Variants in GSTA1 observed in about 807,000 individuals in gnomAD.
GSTA1 encodes the protein glutathione S-transferase A1.
Under a neutral mutation model 21.5 loss-of-function variants are expected in GSTA1, and 23 were observed. That is an observed-to-expected ratio of 1.07 (90% confidence interval 0.77 to 1.52). GSTA1 has a LOEUF of 1.52. Among genes scored for constraint, GSTA1 ranks in the 40% most tolerant of loss-of-function variants. The probability of loss-of-function intolerance (pLI) is 0.00; values close to 1 mark genes in which losing one functional copy is unlikely to be tolerated. For synonymous variants in GSTA1, 125 were observed against 90.0 expected, an observed-to-expected ratio of 1.39 and a Z score of -2.20; for missense variants, 301 against 264.2, an observed-to-expected ratio of 1.14 and a Z score of -0.96.
chr6:52,803,748 G>A (rs2894804), intron 1 of GSTA1, 37 bp downstream of exon 1: 173,782 of 179,564 alleles, frequency 0.97, 84,335 homozygotes, highest in East Asian at 1. Flanking sequence ...AGGAGGGTGT[G>A]AGGCAATGTA....
At chr6:52,796,665 T>C (rs1763598388) in intron 3 of GSTA1, among the ~76,000 whole-genome samples, 1 of 147,530 alleles carries the variant, frequency 6.8e-6, no homozygotes, top group South Asian at 2.2e-4. Context: ...TACCTCAGCC[T>C]CCCAATAGCT....
At position 52,796,543 on chromosome 6, in the gene GSTA1, A is replaced by ATTTTT. The variant is rs34109072; in HGVS notation, c.140-234_140-230dup. ...TGTGTGTGTGTGTATATATATATATATTTTTTTTTTTTTTTTTTTTGGCAG... is the reference window on the plus strand; with the variant it reads ...TGTGTGTGTGTGTATATATATATATATTTTTTTTTTTTTTTTTTTTTTTTTGGCAG... On this transcript the variant is annotated intron_variant, in intron 3 of 6. Coordinates refer to ENST00000334575, the MANE Select transcript of GSTA1 (RefSeq NM_145740.5). Among the ~76,000 whole-genome samples the ATTTTT allele has an allele frequency of 2.1e-3, 49 of 23,754 alleles. 1 individual carries two copies. The highest frequency in any genetic ancestry group is 2.3e-3 in the African/African-American group (22 of 9,510). 15.6% of individuals were successfully genotyped at this position (23,754 alleles called of 152,430 possible). A position where few individuals can be genotyped will look rare whatever the true frequency, so the allele number is the denominator to read the frequency against.
chr6:52,795,963 A>C (rs1763566129), intron 4 of GSTA1, among the ~76,000 whole-genome samples: 1 of 152,162 alleles, frequency 6.6e-6, no homozygotes, highest in African/African-American at 2.4e-5. Context: ...TGCTGGATCC[A>C]TGGACTGCAT....
chr6:52,800,566 TTGAC>T (rs1168878079), intron 1 of GSTA1, among the ~76,000 whole-genome samples: 3 of 152,200 alleles, frequency 2.0e-5, no homozygotes, highest in Middle Eastern at 3.2e-3. Flanking sequence ...TAGAGAGAAA[TTGAC>T]TGGGCTCATC....
Position 52,796,541 on chromosome 6 carries a change from ATAT to A in GSTA1, c.140-230_140-228del, listed in dbSNP as rs1763593249. Among the ~76,000 whole-genome samples the A allele has an allele frequency of 2.9e-4, 10 of 34,288 alleles. 1 individual carries two copies. Among genetic ancestry groups the A allele is most frequent in the African/African-American group, 4.8e-4 (7 of 14,446 alleles). The allele number at this position is 34,288 out of a possible 152,430, so 22.5% of individuals were successfully genotyped here. A position where few individuals can be genotyped will look rare whatever the true frequency, so the allele number is the denominator to read the frequency against. On this transcript the variant is annotated intron_variant, in intron 3 of 6. Coordinates refer to ENST00000334575, the MANE Select transcript of GSTA1 (RefSeq NM_145740.5). The stretch of plus-strand genomic sequence containing the variant: ...TGTGTGTGTGTGTGTATATATATAT[ATAT>A]TTTTTTTTTTTTTTTTTTTGGCAGA...
chr6:52,803,229 A>C (rs1041078075), intron 1 of GSTA1, among the ~76,000 whole-genome samples: 3 of 152,190 alleles, frequency 2.0e-5, no homozygotes, highest in African/African-American at 7.2e-5. Context: ...TTTCTTAGCT[A>C]TCCTCTATAT....
At position 52,794,111 on chromosome 6, in the gene GSTA1, A is replaced by T; in HGVS notation, c.414+14T>A. Reference sequence around the variant, plus strand: ...TAAACTCAGTTCCCCAAAACACTGAACTGCTTCACTTACTTTTTCAAAGGC... The same window carrying T: ...TAAACTCAGTTCCCCAAAACACTGATCTGCTTCACTTACTTTTTCAAAGGC... On this transcript the variant is annotated intron_variant, in intron 5 of 6. Transcript: ENST00000334575. 6.2e-7 allele frequency: 1 copy of T among 1,613,514 alleles called. No homozygotes were observed. Among genetic ancestry groups the T allele is most frequent in the Non-Finnish European group, 8.5e-7 (1 of 1,179,552 alleles).
chr6:52,796,899 A>T (rs946370431), intron 3 of GSTA1, among the ~76,000 whole-genome samples: 2 of 151,990 alleles, frequency 1.3e-5, no homozygotes, highest in African/African-American at 4.8e-5. Context: ...GTTTCCTTTT[A>T]CTTTTTATCC....
rs778804348 is a variant in GSTA1, at chr6:52,799,232, T to G, written c.36A>C (p.Ala12=). ...AEKPKLHYFN[A]RGRMESTRWL... is the part of the protein sequence containing the mutation. Reference sequence around the variant, plus strand: ...ACCGGGTGGACTCCATTCTGCCCCGTGCATTGAAGTAGTGGAGCTTGGGCT... The same window carrying G: ...ACCGGGTGGACTCCATTCTGCCCCGGGCATTGAAGTAGTGGAGCTTGGGCT... The change falls in exon 2 of 7, where the codon GCA becomes GCC. Residue 12 remains alanine, a synonymous_variant. Transcript: ENST00000334575. 4 of 1,613,868 alleles carry G rather than the reference T, an allele frequency of 2.5e-6. No homozygotes were observed. The highest frequency in any genetic ancestry group is 3.4e-6 in the Non-Finnish European group (4 of 1,179,910).
chr6:52,794,077 A>G (rs1763518706), intron 5 of GSTA1, 48 bp downstream of exon 5: 3 of 1,610,032 alleles, frequency 1.9e-6, no homozygotes. Context: ...CTATTTTTCT[A>G]TTGGCCTCTA....
chr6:52,799,491 C>T (rs1763663027), intron 1 of GSTA1, among the ~76,000 whole-genome samples, 194 bp from the exon 2 acceptor site: 2 of 152,254 alleles, frequency 1.3e-5, no homozygotes, highest in East Asian at 1.9e-4. Context: ...TCCAGCAAAC[C>T]AGTCTCAAGT....
chr6:52,797,177 C>T (rs1344700099), intron 3 of GSTA1, among the ~76,000 whole-genome samples: 2 of 152,070 alleles, frequency 1.3e-5, no homozygotes, highest in African/African-American at 4.8e-5. Flanking sequence ...TTACCCAGTC[C>T]CACTCCCCCC....
chr6:52,793,883 C>G (rs1414000104), intron 5 of GSTA1, among the ~76,000 whole-genome samples: 1 of 152,138 alleles, frequency 6.6e-6, no homozygotes, highest in African/African-American at 2.4e-5. Flanking sequence ...TCTTGTTGAA[C>G]AGGTAATTCC....
At chr6:52,797,494 C>T (rs1196977254) in intron 3 of GSTA1, 92 bp downstream of exon 3, 1 of 873,574 alleles carries the variant, frequency 1.1e-6, no homozygotes, top group South Asian at 1.4e-5. Flanking sequence ...AAATACCATG[C>T]CCCACACCCA....
intron 1 of GSTA1, among the ~76,000 whole-genome samples, chr6:52,801,816 A>G (rs1287162976): frequency 1.3e-5 from 2 of 152,102 alleles, no homozygotes; most frequent in Non-Finnish European, 2.9e-5. Context: ...AATGGCTCCT[A>G]TTATCCAAAT....
chr6:52,800,366 A>C (rs1222504681), intron 1 of GSTA1, among the ~76,000 whole-genome samples: 1 of 152,252 alleles, frequency 6.6e-6, no homozygotes, highest in East Asian at 1.9e-4. Context: ...TGAAATATGC[A>C]TGGTAATCTT....
At chr6:52,792,767 G>C (rs1261788286) in intron 6 of GSTA1, 89 bp downstream of exon 6, 2 of 1,611,098 alleles carry the variant, frequency 1.2e-6, no homozygotes, top group South Asian at 2.2e-5. Context: ...GAGAAGACTG[G>C]GGCAAAACTT....
Position 52,792,946 on chromosome 6 carries a change from C to G in GSTA1, c.456G>C (p.Lys152Asn). The change falls in exon 6 of 7, where the codon AAG becomes AAC. Residue 152 changes from lysine (K) to asparagine (N), a missense_variant. By Grantham distance (94) the Lys-to-Asn change is moderately conservative. Transcript: ENST00000334575. Reference sequence around the variant, plus strand: ...CCAGATGAATGTCAGCCCGGCTCAGCTTGTTGCCAACAAGGTAGTCTTGTC... The same window carrying G: ...CCAGATGAATGTCAGCCCGGCTCAGGTTGTTGCCAACAAGGTAGTCTTGTC... ...SHGQDYLVGN[K>N]LSRADIHLVE... The G allele has an allele frequency of 1.2e-6, 2 of 1,614,112 alleles. No individual in the cohort carries two copies. Among genetic ancestry groups the G allele is most frequent in the Non-Finnish European group, 1.7e-6 (2 of 1,180,006 alleles).
At chr6:52,800,820 G>T (rs1262154964) in intron 1 of GSTA1, among the ~76,000 whole-genome samples, 1 of 152,172 alleles carries the variant, frequency 6.6e-6, no homozygotes, top group Admixed American at 6.5e-5. Flanking sequence ...TTCTTGCAAA[G>T]TTTTGTGGTT....
Sources: gnomAD v4.1 joint callset for allele counts (sites outside exome capture counted in the v4.1 genomes callset) on GRCh38, gnomAD v4.1.1 for gene constraint, MANE v1.5 for transcripts, NCBI Gene and HGNC (gene_info 2026-07-23, HGNC 2026-07-21) for gene names.